The following HYAL4 variants were observed in gnomAD, a reference collection of about 807,000 sequenced individuals.
HYAL4 encodes the protein hyaluronidase 4, also known as hyaluronidase-4.
In HYAL4, 37 loss-of-function variants were observed where a neutral mutation model predicts 35.2. The observed-to-expected ratio is 1.05, with a 90% CI of 0.81 to 1.38. The LOEUF is 1.38. HYAL4 is among the 40% of genes most tolerant of loss of function. The pLI, the probability that HYAL4 is intolerant of heterozygous loss-of-function variation, is 0.00. For synonymous variants in HYAL4, 198 were observed against 203.2 expected (o/e 0.97, Z 0.22); for missense variants, 572 against 572.4 (o/e 1.00, Z 0.01).
At chr7:123,769,597 C>G in the HYAL4 span, among the ~76,000 whole-genome samples, 2 of 152,090 alleles carry the variant, frequency 1.3e-5, no homozygotes, top group African/African-American at 2.4e-5. Context: ...ACCGAAAAGG[C>G]TGGCAGCTGA....
At chr7:123,823,820 T>C in the HYAL4 span, among the ~76,000 whole-genome samples, 1 of 151,482 alleles carries the variant, frequency 6.6e-6, no homozygotes, top group Non-Finnish European at 1.5e-5. Flanking sequence ...GTTACCTAGA[T>C]AGTACATACA....
chr7:123,835,624 G>T (rs1472832524), intron 1 of HYAL4, among the ~76,000 whole-genome samples: 1 of 151,848 alleles, frequency 6.6e-6, no homozygotes, highest in East Asian at 1.9e-4. Context: ...CTGGGTGTGG[G>T]TCTGATTTGT....
intron 1 of HYAL4, among the ~76,000 whole-genome samples, chr7:123,839,702 T>C (rs1806022362): frequency 6.6e-6 from 1 of 152,258 alleles, no homozygotes; most frequent in Non-Finnish European, 1.5e-5. Flanking sequence ...TGGTATCTCA[T>C]TGTAGTTGTG....
chr7:123,778,592 A>G, the HYAL4 span, among the ~76,000 whole-genome samples: 1 of 151,740 alleles, frequency 6.6e-6, no homozygotes, highest in South Asian at 2.1e-4. Context: ...TTTCCTAGTG[A>G]TGAGATGCAG....
At chr7:123,800,822 A>G in the HYAL4 span, among the ~76,000 whole-genome samples, 4 of 148,840 alleles carry the variant, frequency 2.7e-5, no homozygotes, top group East Asian at 8.0e-4. Context: ...ACGCTGGCTA[A>G]TTTTTTTTTT....
the HYAL4 span, among the ~76,000 whole-genome samples, chr7:123,788,247 C>T: frequency 6.6e-6 from 1 of 152,182 alleles, no homozygotes; most frequent in East Asian, 1.9e-4. Flanking sequence ...ATGCTTGAGC[C>T]CAGCCTGGAC....
chr7:123,832,624 C>G (rs1431422436), intron 1 of HYAL4, among the ~76,000 whole-genome samples: 1 of 150,220 alleles, frequency 6.7e-6, no homozygotes, highest in Non-Finnish European at 1.5e-5. Context: ...CTCAGCCTCC[C>G]GAATAACTGG....
chr7:123,849,128 T>G (rs1032200687), intron 2 of HYAL4, among the ~76,000 whole-genome samples: 4 of 152,150 alleles, frequency 2.6e-5, no homozygotes, highest in Non-Finnish European at 4.4e-5. Flanking sequence ...AATTTAATAA[T>G]GATGGGGAAA....
chr7:123,874,528 G>A (rs186424325), intron 3 of HYAL4, among the ~76,000 whole-genome samples: 2 of 152,106 alleles, frequency 1.3e-5, no homozygotes, highest in Admixed American at 6.5e-5. Flanking sequence ...CTCAGCCTCC[G>A]AGTAGCTGGG....
chr7:123,838,420 A>G (rs1806002311), intron 1 of HYAL4, among the ~76,000 whole-genome samples: 1 of 152,100 alleles, frequency 6.6e-6, no homozygotes, highest in Non-Finnish European at 1.5e-5. Flanking sequence ...AAGATCTAAT[A>G]TGACGGACAA....
At chr7:123,778,286 A>G in the HYAL4 span, among the ~76,000 whole-genome samples, 2 of 152,250 alleles carry the variant, frequency 1.3e-5, no homozygotes, top group East Asian at 3.9e-4. Flanking sequence ...AGCATTTCCT[A>G]AGTGTATTCT....
the HYAL4 span, among the ~76,000 whole-genome samples, chr7:123,810,154 AG>A: frequency 7.9e-5 from 12 of 152,186 alleles, no homozygotes; most frequent in African/African-American, 2.7e-4. Context: ...CCCAAATACT[AG>A]GTTGCTTCTG....
In HYAL4 at chr7:123,874,811, C is replaced by T. The variant is rs1397061455; in HGVS notation, c.1005C>T (p.Gly335=). The T allele has an allele frequency of 6.2e-7, 1 of 1,609,712 alleles. No homozygotes were observed. The highest frequency in any genetic ancestry group is 2.2e-5 in the East Asian group (1 of 44,868). The change falls in exon 4 of 5, where the codon GGC becomes GGT. Residue 335 remains glycine, a synonymous_variant. Coordinates refer to ENST00000223026, the MANE Select transcript of HYAL4 (RefSeq NM_012269.3). ...AAAGTGCTGCCTTGGGAGCTGCAGG[C>T]ATTGTTATTTGGGGAGACATGAATT... The part of the protein sequence containing the change: ...IGESAALGAA[G]IVIWGDMNLT...
At chr7:123,809,866 A>C in the HYAL4 span, among the ~76,000 whole-genome samples, 1 of 152,118 alleles carries the variant, frequency 6.6e-6, no homozygotes, top group Admixed American at 6.5e-5. Flanking sequence ...TCCATTAACA[A>C]TTTATTGAAC....
At chr7:123,876,572 T>C (rs955099741) in intron 4 of HYAL4, among the ~76,000 whole-genome samples, 182 bp from the exon 5 acceptor site, 16 of 152,196 alleles carry the variant, frequency 1.1e-4, no homozygotes, top group Non-Finnish European at 2.1e-4. Context: ...GGACCCTTGT[T>C]ATAGTGCCCA....
chr7:123,775,257 A>G, the HYAL4 span, among the ~76,000 whole-genome samples: 1 of 152,100 alleles, frequency 6.6e-6, no homozygotes. Flanking sequence ...ACATTGCAAG[A>G]CCTCATCTCT....
intron 2 of HYAL4, among the ~76,000 whole-genome samples, chr7:123,865,085 TAGG>T (rs1031225487): frequency 3.9e-5 from 6 of 152,002 alleles, no homozygotes; most frequent in African/African-American, 1.4e-4. Flanking sequence ...CATTCCAAGA[TAGG>T]AGAAGAGAAT....
chr7:123,841,658 C>A (rs776458068), upstream of HYAL4, among the ~76,000 whole-genome samples: 28 of 151,950 alleles, frequency 1.8e-4, no homozygotes, highest in Admixed American at 8.5e-4. Context: ...TTAATTACTG[C>A]CTCAATTTCA....
chr7:123,793,616 T>C, the HYAL4 span, among the ~76,000 whole-genome samples: 5 of 152,232 alleles, frequency 3.3e-5, no homozygotes, highest in Non-Finnish European at 7.3e-5. Flanking sequence ...TTCCCACTTT[T>C]GCTAGGCACT....
Sources: gnomAD v4.1 joint callset for allele counts (sites outside exome capture counted in the v4.1 genomes callset) on GRCh38, gnomAD v4.1.1 for gene constraint, MANE v1.5 for transcripts, NCBI Gene and HGNC (gene_info 2026-07-23, HGNC 2026-07-21) for gene names.